STK32B: variants seen among roughly 807,000 people sequenced by gnomAD.
STK32B encodes serine/threonine-protein kinase 32B.
STK32B carries 43 observed loss-of-function variants against 52.6 expected under a neutral mutation model. The observed-to-expected ratio is 0.82, with a 90% CI of 0.64 to 1.05. The LOEUF (loss-of-function observed/expected upper bound fraction) is 1.05, where lower values mean the gene tolerates loss of function less well. Among genes scored for constraint, STK32B ranks in the 50% least tolerant of loss-of-function variants. The pLI is 0.00. For synonymous variants in STK32B, 238 were observed against 204.3 expected (o/e 1.17, Z -1.41); for missense variants, 621 against 534.6 (o/e 1.16, Z -1.59).
chr4:5,114,920 C>G (rs1714633756), intron 1 of STK32B, among the ~76,000 whole-genome samples: 1 of 152,126 alleles, frequency 6.6e-6, no homozygotes, highest in African/African-American at 2.4e-5. Context: ...TCTTCCCACA[C>G]CCTGACCCCA....
Position 5,051,816 on chromosome 4 carries a change from C to G in STK32B, c.-48C>G, listed in dbSNP as rs1331200863. The G allele has an allele frequency of 6.4e-7, 1 of 1,566,042 alleles. No individual in the cohort carries two copies. Among genetic ancestry groups the G allele is most frequent in the African/African-American group, 1.4e-5 (1 of 73,174 alleles). ...TCTGCGCGCGTCCCACATCCCGCAT[C>G]CGGCATCCCAGCGGCCGGGCATGTA... On this transcript the variant is annotated 5_prime_UTR_variant, in exon 1 of 12. In the 5' UTR this introduces an upstream ATG that the reference lacks. Transcript: ENST00000282908.
chr4:5,254,735 A>T (rs1375847817), intron 3 of STK32B, among the ~76,000 whole-genome samples: 1 of 152,172 alleles, frequency 6.6e-6, no homozygotes, highest in Non-Finnish European at 1.5e-5. Context: ...CTGTACAGTT[A>T]TAGTGGACTT....
At chr4:5,152,520 C>G (rs941572294) in intron 2 of STK32B, among the ~76,000 whole-genome samples, 1 of 152,248 alleles carries the variant, frequency 6.6e-6, no homozygotes, top group Admixed American at 6.5e-5. Context: ...GAAAGGAAGG[C>G]AGCCAATAAA....
chr4:5,428,570 A>T (rs1190301779), intron 6 of STK32B, among the ~76,000 whole-genome samples: 5 of 152,228 alleles, frequency 3.3e-5, no homozygotes, highest in Admixed American at 3.3e-4. Flanking sequence ...TGGTCTAGAT[A>T]TGATCTATCT....
chr4:5,141,166 G>A (rs751446234), intron 2 of STK32B, among the ~76,000 whole-genome samples: 50 of 152,320 alleles, frequency 3.3e-4, no homozygotes, highest in Non-Finnish European at 6.5e-4. Context: ...GTGCTCAGTA[G>A]CCACGTGTAG....
intron 1 of STK32B, among the ~76,000 whole-genome samples, chr4:5,092,099 CTGGAATTAGATAGAGGTA>C (rs1713109430): frequency 6.6e-6 from 1 of 152,176 alleles, no homozygotes; most frequent in South Asian, 2.1e-4. Context: ...GTGAAACGTC[CTGGAATTAGATAGAGGTA>C]TGGAATTAGA....
chr4:5,155,864 T>G (rs1417179013), intron 2 of STK32B, among the ~76,000 whole-genome samples: 1 of 152,140 alleles, frequency 6.6e-6, no homozygotes, highest in Admixed American at 6.5e-5. Context: ...GTAGTATCTT[T>G]ATAGCAGTGT....
chr4:5,128,006 A>C (rs1715514853), intron 1 of STK32B, among the ~76,000 whole-genome samples: 1 of 152,202 alleles, frequency 6.6e-6, no homozygotes, highest in South Asian at 2.1e-4. Context: ...AGGCCTCCCC[A>C]GCCATGTGGG....
chr4:5,297,099 A>G (rs1435461187), intron 3 of STK32B, among the ~76,000 whole-genome samples: 3 of 152,138 alleles, frequency 2.0e-5, no homozygotes, highest in Admixed American at 2.0e-4. Flanking sequence ...AATGTTGAAT[A>G]TTGGCCCCAC....
chr4:5,183,039 C>T (rs1720475317), intron 3 of STK32B, among the ~76,000 whole-genome samples: 1 of 152,092 alleles, frequency 6.6e-6, no homozygotes, highest in Non-Finnish European at 1.5e-5. Flanking sequence ...TTTGTTGTTC[C>T]ATTTATAGAA....
intron 1 of STK32B, among the ~76,000 whole-genome samples, chr4:5,107,513 T>G (rs1428368425): frequency 6.6e-6 from 1 of 152,158 alleles, no homozygotes; most frequent in African/African-American, 2.4e-5. Context: ...GCAGGGACAA[T>G]CTTATGAGGG....
At chr4:5,480,972 C>A (rs543519426) in intron 11 of STK32B, among the ~76,000 whole-genome samples, 12 of 152,236 alleles carry the variant, frequency 7.9e-5, no homozygotes, top group Admixed American at 3.3e-4. Flanking sequence ...TCCTTTAATC[C>A]AGTCTATCAT....
rs868002560 is a variant in STK32B, at chr4:5,191,229, G to A, written c.260+22779G>A. Among the ~76,000 whole-genome samples, 17 of 151,858 alleles carry A rather than the reference G, an allele frequency of 1.1e-4. 1 individual carries two copies. The South Asian group carries it at 2.3e-3, about 20-fold the overall frequency. On this transcript the variant is annotated intron_variant, in intron 3 of 11. Coordinates refer to ENST00000282908, the MANE Select transcript of STK32B (RefSeq NM_018401.3). The stretch of plus-strand genomic sequence containing the variant: ...TAATGGGGTTGAGTTTGTGGACCAG[G>A]CCTCTGCCTTGCCTTATCCTGCATT...
intron 3 of STK32B, among the ~76,000 whole-genome samples, chr4:5,291,362 G>A (rs1728883660): frequency 1.3e-5 from 2 of 152,100 alleles, no homozygotes; most frequent in South Asian, 4.2e-4. Flanking sequence ...CAGTGTAAAA[G>A]TCTTGTACTG....
chr4:5,444,355 C>A (rs527246267), intron 6 of STK32B, among the ~76,000 whole-genome samples: 4 of 152,308 alleles, frequency 2.6e-5, no homozygotes, highest in Admixed American at 2.6e-4. Context: ...GTGGGAGTGA[C>A]CCGATTTTCC....
At chr4:5,490,815 T>C (rs950852601) in intron 11 of STK32B, among the ~76,000 whole-genome samples, 12 of 152,184 alleles carry the variant, frequency 7.9e-5, no homozygotes, top group Non-Finnish European at 1.3e-4. Flanking sequence ...CGAGTGAGAA[T>C]ATGCGGTGTT....
chr4:5,497,072 A>G (rs568161309), intron 11 of STK32B, among the ~76,000 whole-genome samples: 3 of 152,286 alleles, frequency 2.0e-5, no homozygotes, highest in South Asian at 4.1e-4. Flanking sequence ...TAGCCTCAAG[A>G]TATCAATGAG....
chr4:5,261,279 C>A (rs899201200), intron 3 of STK32B, among the ~76,000 whole-genome samples: 1 of 152,162 alleles, frequency 6.6e-6, no homozygotes, highest in African/African-American at 2.4e-5. Context: ...CATCAAAATT[C>A]TATGAACATG....
At chr4:5,450,166 A>G (rs1445260031) in intron 7 of STK32B, among the ~76,000 whole-genome samples, 2 of 152,150 alleles carry the variant, frequency 1.3e-5, no homozygotes, top group Admixed American at 1.3e-4. Context: ...CTCTGACCCA[A>G]ACTAGAATCT....
Sources: allele counts gnomAD v4.1 joint callset (sites outside exome capture counted in the v4.1 genomes callset), GRCh38; gene constraint gnomAD v4.1.1; transcripts MANE v1.5; gene names NCBI Gene and HGNC (gene_info 2026-07-23, HGNC 2026-07-21).